MCAT: variants seen among roughly 807,000 people sequenced by gnomAD.
MCAT encodes the protein malonyl-CoA-acyl carrier protein transacylase, mitochondrial.
A neutral mutation model predicts 22.9 loss-of-function variants in MCAT; 22 were observed. The ratio of observed to expected loss-of-function variants is 0.96; its 90% CI spans 0.69 to 1.37. The LOEUF is 1.37. MCAT is among the 40% of genes most tolerant of loss of function. MCAT has a pLI of 0.00. For missense variants in MCAT, 534 were observed against 533.6 expected, an observed-to-expected ratio of 1.00 and a Z score of -0.01; for synonymous variants, 240 against 233.9, an observed-to-expected ratio of 1.03 and a Z score of -0.24.
Position 43,143,128 on chromosome 22 carries a change from A to G in MCAT, c.221T>C (p.Val74Ala). 1 of 1,598,560 alleles carries G rather than the reference A, an allele frequency of 6.3e-7. No homozygotes were observed. The highest frequency in any genetic ancestry group is 2.2e-5 in the East Asian group (1 of 44,602). The change falls in exon 1 of 4, where the codon GTG becomes GCG. Residue 74 changes from valine to alanine, a missense_variant. Physicochemically the swap from Val to Ala is moderately conservative, Grantham distance 64. Transcript: ENST00000290429. ...GAGCAGACCGCGGCCCATGCCCACC[A>G]CCTGGCTGCCCTGGCCCGGGAAGAG... ...VLLFPGQGSQ[V>A]VGMGRGLLNY...
intron 2 of MCAT, among the ~76,000 whole-genome samples, chr22:43,138,292 A>C (rs1277473560): frequency 9.9e-5 from 15 of 152,192 alleles, no homozygotes; most frequent in Non-Finnish European, 1.5e-5. Context: ...CATGAATTTC[A>C]GTGACATAAT....
At position 43,143,310 on chromosome 22, in the gene MCAT, G is replaced by C; in HGVS notation, c.39C>G (p.Gly13=). ...VRVARVAWVR[G]LGASYRRGAS... is the part of the protein sequence containing the mutation. ...CGCCGCGGCGGTAGCTGGCGCCCAA[G>C]CCCCTGACCCACGCTACCCGTGCGA... Residue 13 remains glycine (G), a synonymous_variant, in exon 1 of 4, where the codon GGC becomes GGG. Coordinates refer to ENST00000290429, the MANE Select transcript of MCAT (RefSeq NM_173467.5). 1.4e-6 allele frequency: 2 copies of C among 1,415,002 alleles called. No homozygotes were observed. Among genetic ancestry groups the C allele is most frequent in the South Asian group, 1.5e-5 (1 of 65,366 alleles). 87.7% of individuals were successfully genotyped at this position (1,415,002 alleles called of 1,614,324 possible).
chr22:43,137,392 C>G, intron 2 of MCAT, 94 bp from the exon 3 acceptor site: 1 of 1,004,126 alleles, frequency 1.0e-6, no homozygotes, highest in Non-Finnish European at 1.5e-6. Context: ...CCACTCTGCA[C>G]TAGAGACAGG....
chr22:43,136,933 G>A (rs910256441), intron 3 of MCAT, 148 bp downstream of exon 3: 31 of 712,362 alleles, frequency 4.4e-5, no homozygotes, highest in Non-Finnish European at 7.2e-5. Context: ...TGCAGCACTC[G>A]GTCTACCTCA....
At chr22:43,136,866 T>C (rs1015759639) in intron 3 of MCAT, among the ~76,000 whole-genome samples, 2 of 152,170 alleles carry the variant, frequency 1.3e-5, no homozygotes, top group African/African-American at 4.8e-5. Flanking sequence ...GCTGGTTGGT[T>C]CCAGACCCCA....
rs370173507 is a variant in MCAT, at chr22:43,133,246, C to A, written c.970G>T (p.Val324Leu). The change falls in exon 4 of 4, where the codon GTG (valine) becomes TTG (leucine). Residue 324 changes from valine to leucine, a missense_variant. Val to Leu is a conservative substitution (Grantham distance 32). Transcript: ENST00000290429. ...GCATGCATCGTCTGCTCCCACTTCACTGGGGAGACCAGCTGCTGGGCCAGC... is the reference window on the plus strand; with the variant it reads ...GCATGCATCGTCTGCTCCCACTTCAATGGGGAGACCAGCTGCTGGGCCAGC... ...KLLAQQLVSP[V>L]KWEQTMHAIY... 3 of 1,614,128 alleles carry A rather than the reference C, an allele frequency of 1.9e-6. No homozygotes were observed. The highest frequency in any genetic ancestry group is 2.7e-5 in the African/African-American group (2 of 74,946).
rs533653600 is a variant in MCAT, at chr22:43,141,872, C to T, written c.424-623G>A. ...GCATTATAGGCGTGAGCCACCTCGCCCGGCCAAGAGCATTTTTATCTCATC... is the reference window on the plus strand; with the variant it reads ...GCATTATAGGCGTGAGCCACCTCGCTCGGCCAAGAGCATTTTTATCTCATC... On this transcript the variant is annotated intron_variant, in intron 1 of 3. Coordinates refer to ENST00000290429, the MANE Select transcript of MCAT (RefSeq NM_173467.5). 7.2e-5 allele frequency among the ~76,000 whole-genome samples: 11 copies of T among 152,330 alleles called. No individual in the cohort carries two copies. The South Asian group carries it at 2.1e-3, about 29-fold the overall frequency.
At chr22:43,137,418 C>T in intron 2 of MCAT, 120 bp from the exon 3 acceptor site, 2 of 749,076 alleles carry the variant, frequency 2.7e-6, no homozygotes, top group South Asian at 1.8e-5. Flanking sequence ...TGGTGTCTGC[C>T]ACCAGCCAGC....
chr22:43,142,909 G>C lies in MCAT; in HGVS notation c.423+17C>G, dbSNP rs752686727. 25 of 1,506,362 alleles carry C rather than the reference G, an allele frequency of 1.7e-5. No homozygotes were observed. The highest frequency in any genetic ancestry group is 1.2e-4 in the South Asian group (9 of 76,980). 93.3% of individuals were successfully genotyped at this position (1,506,362 alleles called of 1,614,324 possible). ...GAGCTCACCTTCCCCCTCCTGTCAC[G>C]GGGCCTCGGGCCTCACCGAGGGCTG... On this transcript the variant is annotated intron_variant, in intron 1 of 3. Coordinates refer to ENST00000290429, the MANE Select transcript of MCAT (RefSeq NM_173467.5).
chr22:43,135,091 C>T (rs1056049611), intron 3 of MCAT, among the ~76,000 whole-genome samples: 2 of 152,346 alleles, frequency 1.3e-5, no homozygotes, highest in African/African-American at 4.8e-5. Flanking sequence ...AGTCCTTGGC[C>T]CAGGCATTGG....
intron 2 of MCAT, 170 bp downstream of exon 2, chr22:43,140,992 G>T: frequency 1.6e-6 from 1 of 609,150 alleles, no homozygotes; most frequent in East Asian, 2.7e-5. Flanking sequence ...GAATCCTTCA[G>T]TCTTGAAAAG....
At chr22:43,139,343 T>G (rs1601743725) in intron 2 of MCAT, among the ~76,000 whole-genome samples, 1 of 152,018 alleles carries the variant, frequency 6.6e-6, no homozygotes, top group East Asian at 1.9e-4. Context: ...CCTGGCAACA[T>G]AGCGAGACCC....
At chr22:43,139,877 A>T (rs1462029430) in intron 2 of MCAT, among the ~76,000 whole-genome samples, 1 of 152,184 alleles carries the variant, frequency 6.6e-6, no homozygotes, top group Non-Finnish European at 1.5e-5. Flanking sequence ...CCACCACACC[A>T]AGCCTAATTC....
Position 43,142,799 on chromosome 22 carries a change from A to C in MCAT, c.423+127T>G, listed in dbSNP as rs143294162. On this transcript the variant is annotated intron_variant, in intron 1 of 3. Transcript: ENST00000290429. Reference sequence around the variant, plus strand: ...CAAAAAAAAAAACAAAAACAAACAAAAAAAAAAACTCGATCGAATGAGTAA... The same window carrying C: ...CAAAAAAAAAAACAAAAACAAACAACAAAAAAAACTCGATCGAATGAGTAA... 4,937 of 1,077,284 alleles carry C rather than the reference A, an allele frequency of 4.6e-3. 210 individuals are homozygous for C. In the African/African-American group the frequency reaches 0.074, roughly 16 times the overall value. 66.7% of individuals were successfully genotyped at this position (1,077,284 alleles called of 1,614,324 possible).
intron 1 of MCAT, among the ~76,000 whole-genome samples, chr22:43,141,491 C>G (rs752687154): frequency 6.6e-6 from 1 of 152,196 alleles, no homozygotes; most frequent in Non-Finnish European, 1.5e-5. Context: ...GTCACACTGA[C>G]GCCAACCCAG....
At chr22:43,135,510 C>CAAAAA (rs1300123609) in intron 3 of MCAT, among the ~76,000 whole-genome samples, 8 of 76,340 alleles carry the variant, frequency 1.0e-4, no homozygotes, top group African/African-American at 1.4e-4. Context: ...TCTCAAAAAA[C>CAAAAA]AAAAAAAAAA....
At chr22:43,138,978 A>G (rs1284646259) in intron 2 of MCAT, among the ~76,000 whole-genome samples, 2 of 152,208 alleles carry the variant, frequency 1.3e-5, no homozygotes, top group Admixed American at 6.5e-5. Context: ...GGACAAATAC[A>G]TAAACAGCCT....
In MCAT at chr22:43,133,002, C is replaced by A. The variant is rs1195544002; in HGVS notation, c.*41G>T. The A allele has an allele frequency of 3.8e-6, 6 of 1,585,340 alleles. No individual in the cohort carries two copies. Among genetic ancestry groups the A allele is most frequent in the Non-Finnish European group, 5.2e-6 (6 of 1,160,044 alleles). On this transcript the variant is annotated 3_prime_UTR_variant, in exon 4 of 4. Coordinates refer to ENST00000290429, the MANE Select transcript of MCAT (RefSeq NM_173467.5). ...ACAGGCACAGCCTACAGCCTCTCCT[C>A]AGGAGGACAGAGGGGGTCATCGCAT...
In MCAT at chr22:43,133,502, G is replaced by C; in HGVS notation, c.730-16C>G. The stretch of plus-strand genomic sequence containing the variant: ...ACCGTAGAGCCTGGGGAAGGAAGGA[G>C]GTTTCAGCCGAGCAATGTCCCAGAA... On this transcript the variant is annotated splice_polypyrimidine_tract_variant and intron_variant, in intron 3 of 3. Coordinates refer to ENST00000290429, the MANE Select transcript of MCAT (RefSeq NM_173467.5). 6.3e-7 allele frequency: 1 copy of C among 1,585,424 alleles called. No homozygotes were observed. Among genetic ancestry groups the C allele is most frequent in the Non-Finnish European group, 8.6e-7 (1 of 1,165,176 alleles).
Sources: allele counts gnomAD v4.1 joint callset (sites outside exome capture counted in the v4.1 genomes callset), GRCh38; gene constraint gnomAD v4.1.1; transcripts MANE v1.5; gene names NCBI Gene and HGNC (gene_info 2026-07-23, HGNC 2026-07-21).